The following LRRFIP1 variants were observed in gnomAD, a reference collection of about 807,000 sequenced individuals.
LRRFIP1 encodes the protein LRR binding FLII interacting protein 1, also known as leucine-rich repeat flightless-interacting protein 1.
In LRRFIP1, 62 loss-of-function variants were observed where a neutral mutation model predicts 104.4. The observed-to-expected ratio is 0.59, with a 90% CI of 0.48 to 0.73. LRRFIP1 has a LOEUF of 0.73. Among genes scored for constraint, LRRFIP1 ranks in the 30% least tolerant of loss-of-function variants. The probability of loss-of-function intolerance (pLI) is 0.00; values close to 1 mark genes in which losing one functional copy is unlikely to be tolerated. For missense variants in LRRFIP1, 796 were observed against 824.5 expected (o/e 0.97, Z 0.42); for synonymous variants, 300 against 299.0 (o/e 1.00, Z -0.03).
intron 1 of LRRFIP1, among the ~76,000 whole-genome samples, chr2:237,685,309 T>C (rs2092282110): frequency 6.6e-6 from 1 of 152,236 alleles, no homozygotes; most frequent in Non-Finnish European, 1.5e-5. Flanking sequence ...GACTTATTCC[T>C]AGACACTTTT....
At position 237,779,880 on chromosome 2, in the gene LRRFIP1, G is replaced by GTTT. The variant is rs59469398; in HGVS notation, c.*360_*362dup. 1.2e-4 allele frequency: 18 copies of GTTT among 154,480 alleles called. No individual in the cohort carries two copies. The highest frequency in any genetic ancestry group is 1.9e-4 in the East Asian group (1 of 5,394). The allele number at this position is 154,480 out of a possible 1,614,324, so 9.6% of individuals were successfully genotyped here. A position where few individuals can be genotyped will look rare whatever the true frequency, so the allele number is the denominator to read the frequency against. ...AAGTAAAGATTCAGTTGGGACTTGA[G>GTTT]TTTTTTTTTTTTTTCATGTGTCTTG... is the stretch of plus-strand genomic sequence containing the variant. On this transcript the variant is annotated 3_prime_UTR_variant, in exon 24 of 24. Transcript: ENST00000308482.
Position 237,751,357 on chromosome 2 carries a change from G to A in LRRFIP1, c.867+86G>A, listed in dbSNP as rs1156762359. ...CAACATCCTAAAGAAGAAATTCAAA[G>A]TGCATGCTTACTGTAAATAGGCTCC... On this transcript the variant is annotated intron_variant, in intron 14 of 23. Transcript: ENST00000308482. The A allele has an allele frequency of 3.6e-6, 4 of 1,100,398 alleles. No individual in the cohort carries two copies. In the African/African-American group the frequency reaches 6.3e-5, roughly 17 times the overall value. 68.2% of individuals were successfully genotyped at this position (1,100,398 alleles called of 1,614,324 possible).
intron 6 of LRRFIP1, 65 bp from the exon 7 acceptor site, chr2:237,723,483 T>A: frequency 6.5e-7 from 1 of 1,534,392 alleles, no homozygotes; most frequent in Non-Finnish European, 9.0e-7. Flanking sequence ...TACTTAGCTT[T>A]TAAATTTACT....
At chr2:237,751,580 G>A (rs919942223) in intron 14 of LRRFIP1, among the ~76,000 whole-genome samples, 6 of 152,222 alleles carry the variant, frequency 3.9e-5, no homozygotes, top group African/African-American at 1.4e-4. Context: ...CCATAGGCGT[G>A]TGCCAGACAC....
chr2:237,748,732 G>C (rs1253125884), intron 12 of LRRFIP1, among the ~76,000 whole-genome samples: 5 of 152,172 alleles, frequency 3.3e-5, no homozygotes, highest in Non-Finnish European at 7.3e-5. Flanking sequence ...TTCCAATTTG[G>C]AAATGGAATT....
intron 1 of LRRFIP1, among the ~76,000 whole-genome samples, chr2:237,643,729 G>A (rs2084404574): frequency 7.6e-6 from 1 of 132,330 alleles, no homozygotes; most frequent in Admixed American, 7.8e-5. Flanking sequence ...AATGAATACA[G>A]GAACAGATGA....
chr2:237,631,351 G>C (rs1185714918), intron 1 of LRRFIP1, among the ~76,000 whole-genome samples: 1 of 152,352 alleles, frequency 6.6e-6, no homozygotes, highest in Admixed American at 6.5e-5. Flanking sequence ...AGCAGGACTC[G>C]TGGTGGGGGC....
At chr2:237,728,054 C>T (rs1462793020) in intron 8 of LRRFIP1, 119 bp downstream of exon 8, 28 of 702,536 alleles carry the variant, frequency 4.0e-5, no homozygotes, top group Non-Finnish European at 5.7e-5. Flanking sequence ...ATTTTAAAAT[C>T]GGTCTGTCTT....
rs1332165621 is a variant in LRRFIP1, at chr2:237,691,109, T to C, written c.97-17435T>C. ...ACAGGCGCGAGCTCACGTTACCAAGTTGGGTCAGCGTGCAGAGAAAAGGGA... is the reference window on the plus strand; with the variant it reads ...ACAGGCGCGAGCTCACGTTACCAAGCTGGGTCAGCGTGCAGAGAAAAGGGA... On this transcript the variant is annotated intron_variant, in intron 1 of 23. Transcript: ENST00000308482. This position sits in a 1 kb window ranked among gnomAD's most constrained non-coding sequence, Gnocchi z 5.4. Among the ~76,000 whole-genome samples the C allele has an allele frequency of 6.6e-6, 1 of 151,692 alleles. No individual in the cohort carries two copies. The highest frequency in any genetic ancestry group is 1.5e-5 in the Non-Finnish European group (1 of 68,024).
intron 19 of LRRFIP1, among the ~76,000 whole-genome samples, chr2:237,767,846 T>C (rs775114664): frequency 3.9e-5 from 6 of 152,210 alleles, no homozygotes; most frequent in Admixed American, 6.5e-5. Context: ...GTTCTAAACG[T>C]CTGGGCCCCT....
At chr2:237,686,526 C>G (rs1342593866) in intron 1 of LRRFIP1, among the ~76,000 whole-genome samples, 1 of 152,228 alleles carries the variant, frequency 6.6e-6, no homozygotes, top group Admixed American at 6.5e-5. Flanking sequence ...TTATAAGGCA[C>G]CTACCATGTT....
chr2:237,659,719 C>T (rs1384219797), intron 1 of LRRFIP1, among the ~76,000 whole-genome samples: 1 of 151,672 alleles, frequency 6.6e-6, no homozygotes, highest in Non-Finnish European at 1.5e-5. Flanking sequence ...CATTGCTCAT[C>T]GCTGCCTCGC....
chr2:237,717,399 C>T lies in LRRFIP1; in HGVS notation c.202-363C>T, dbSNP rs1235714996. On this transcript the variant is annotated intron_variant, in intron 3 of 23. Transcript: ENST00000308482. This position sits in a 1 kb window ranked among gnomAD's most constrained non-coding sequence, Gnocchi z 4.2. ...CTTCGATGGTGTTTTATTCCTTCAT[C>T]GCGTTTGCTTTGAAGGCATGAGCAG... Among the ~76,000 whole-genome samples the T allele has an allele frequency of 1.3e-5, 2 of 152,210 alleles. No individual in the cohort carries two copies. Among genetic ancestry groups the T allele is most frequent in the African/African-American group, 2.4e-5 (1 of 41,450 alleles).
chr2:237,657,900 G>A (rs778148643), intron 1 of LRRFIP1, among the ~76,000 whole-genome samples: 54 of 152,114 alleles, frequency 3.5e-4, no homozygotes, highest in Admixed American at 2.0e-3. Context: ...TTAGAAGCTC[G>A]GTGATAGCAC....
At chr2:237,665,168 T>C (rs1158736969) in intron 1 of LRRFIP1, among the ~76,000 whole-genome samples, 1 of 152,132 alleles carries the variant, frequency 6.6e-6, no homozygotes, top group East Asian at 1.9e-4. Context: ...TTTTTTAAAA[T>C]CAATGAAACT....
At chr2:237,673,245 C>T (rs2090612299) in intron 1 of LRRFIP1, among the ~76,000 whole-genome samples, 1 of 152,230 alleles carries the variant, frequency 6.6e-6, no homozygotes, top group African/African-American at 2.4e-5. Flanking sequence ...GCATAACAGA[C>T]CTCTGTGTCC....
At chr2:237,769,787 AC>A (rs760549119) in intron 19 of LRRFIP1, 155 bp from the exon 20 acceptor site, 3 of 651,820 alleles carry the variant, frequency 4.6e-6, no homozygotes, top group African/African-American at 1.8e-5. Flanking sequence ...GGCCTCATTC[AC>A]CCCGTCCTGT....
In LRRFIP1 at chr2:237,735,264, G is replaced by A. The variant is rs3769078; in HGVS notation, c.490-4G>A. On this transcript the variant is annotated splice_region_variant and splice_polypyrimidine_tract_variant and intron_variant, in intron 9 of 23. Coordinates refer to ENST00000308482, the MANE Select transcript of LRRFIP1 (RefSeq NM_001137550.2). The surrounding 1 kb of genome is among the most constrained non-coding windows in gnomAD (Gnocchi z 4.6). ...CCCATCCTGACAGTCTCTTTTGGTC[G>A]CAGGCGTCTGTGTTGGATGAAGGCA... 232,752 of 1,611,592 alleles carry A rather than the reference G, an allele frequency of 0.14. 18,227 individuals are homozygous for A. Among genetic ancestry groups the A allele is most frequent in the East Asian group, 0.27 (12,319 of 44,804 alleles).
At chr2:237,720,161 G>A (rs969121484) in intron 5 of LRRFIP1, among the ~76,000 whole-genome samples, 2 of 151,964 alleles carry the variant, frequency 1.3e-5, no homozygotes, top group African/African-American at 2.4e-5. Context: ...TGCCCAATCC[G>A]GTCTCGAACT....
Sources: gnomAD v4.1 joint callset for allele counts (sites outside exome capture counted in the v4.1 genomes callset) on GRCh38, gnomAD v4.1.1 for gene constraint, Gnocchi (gnomAD v3.1) non-coding constraint, MANE v1.5 for transcripts, NCBI Gene and HGNC (gene_info 2026-07-23, HGNC 2026-07-21) for gene names.